The following AACS variants were observed in gnomAD, a reference collection of about 807,000 sequenced individuals.
The protein encoded by AACS is acetoacetyl-CoA synthetase.
AACS carries 69 observed loss-of-function variants against 83.1 expected under a neutral mutation model. The observed-to-expected ratio is 0.83, with a 90% confidence interval of 0.68 to 1.01. The LOEUF (loss-of-function observed/expected upper bound fraction) is 1.01, where lower values mean the gene tolerates loss of function less well. Among genes scored for constraint, AACS ranks in the 50% least tolerant of loss-of-function variants. The pLI is 0.00. For missense variants in AACS, 866 were observed against 882.2 expected (o/e 0.98, Z 0.23); for synonymous variants, 333 against 343.4 (o/e 0.97, Z 0.33).
intron 4 of AACS, among the ~76,000 whole-genome samples, chr12:125,088,589 T>G (rs1956392715): frequency 6.6e-6 from 1 of 152,218 alleles, no homozygotes; most frequent in African/African-American, 2.4e-5. Context: ...GGTCGTCTGA[T>G]TTAATCTGTA....
At chr12:125,090,120 C>T (rs1956436223) in intron 4 of AACS, among the ~76,000 whole-genome samples, 1 of 38,854 alleles carries the variant, frequency 2.6e-5, no homozygotes, top group South Asian at 1.3e-3. Context: ...ATCCATCCAT[C>T]TTCCATTTAT....
intron 2 of AACS, among the ~76,000 whole-genome samples, chr12:125,075,472 A>G (rs893330523): frequency 6.7e-6 from 1 of 150,012 alleles, no homozygotes; most frequent in Non-Finnish European, 1.5e-5. Context: ...TTGCATTTTT[A>G]GTAGAGATGG....
At chr12:125,093,809 C>T (rs1592964549) in intron 5 of AACS, among the ~76,000 whole-genome samples, 1 of 152,212 alleles carries the variant, frequency 6.6e-6, no homozygotes, top group Admixed American at 6.5e-5. Context: ...CTGCCGGAGA[C>T]GGGGGTGTGT....
At chr12:125,096,131 A>G (rs1454462785) in intron 5 of AACS, among the ~76,000 whole-genome samples, 1 of 151,938 alleles carries the variant, frequency 6.6e-6, no homozygotes, top group Admixed American at 6.6e-5. Context: ...TATCCAGCTA[A>G]TTTTTTGTAT....
intron 8 of AACS, among the ~76,000 whole-genome samples, chr12:125,112,681 A>AAAAAAAAT (rs1214289179): frequency 6.6e-6 from 1 of 151,362 alleles, no homozygotes; most frequent in African/African-American, 2.4e-5. Context: ...TCTGTCTCAA[A>AAAAAAAAT]AAAAAAAAAA....
chr12:125,092,102 T>C (rs1434052796), intron 5 of AACS, among the ~76,000 whole-genome samples: 3 of 152,106 alleles, frequency 2.0e-5, no homozygotes, highest in Non-Finnish European at 4.4e-5. Context: ...CCCCAGCCTA[T>C]AGGTCTTTCC....
intron 6 of AACS, 79 bp downstream of exon 6, chr12:125,102,872 G>C (rs1239374345): frequency 5.5e-6 from 8 of 1,463,186 alleles, no homozygotes; most frequent in South Asian, 1.2e-5. Context: ...GAGTCAATCT[G>C]GGTAGTCTCT....
intron 9 of AACS, among the ~76,000 whole-genome samples, chr12:125,116,071 C>G (rs753685240): frequency 6.6e-6 from 1 of 152,078 alleles, no homozygotes; most frequent in Non-Finnish European, 1.5e-5. Flanking sequence ...CAGGGATTTG[C>G]TCTACAACCC....
At chr12:125,133,896 C>A in intron 14 of AACS, 107 bp from the exon 15 acceptor site, 1 of 1,125,026 alleles carries the variant, frequency 8.9e-7, no homozygotes, top group Non-Finnish European at 1.3e-6. Flanking sequence ...GCCAGACCTG[C>A]CTCTGGGCCC....
intron 4 of AACS, among the ~76,000 whole-genome samples, chr12:125,090,062 CCATCT>C (rs1956433149): frequency 1.4e-5 from 2 of 142,934 alleles, no homozygotes; most frequent in Non-Finnish European, 3.1e-5. Context: ...CATCCCTCAT[CCATCT>C]ATCCATCCAC....
chr12:125,082,726 C>T (rs1352935154), intron 3 of AACS, among the ~76,000 whole-genome samples: 1 of 152,010 alleles, frequency 6.6e-6, no homozygotes, highest in Non-Finnish European at 1.5e-5. Context: ...GAGGCTGAGG[C>T]AGGAGAATTG....
Position 125,115,844 on chromosome 12 carries a change from C to G in AACS, c.996+1287C>G, listed in dbSNP as rs1416450163. On this transcript the variant is annotated intron_variant, in intron 9 of 17. Coordinates refer to ENST00000316519, the MANE Select transcript of AACS (RefSeq NM_023928.5). ...ACAGATGGAGGACGGGGGACAGACC[C>G]CTGGGATTACACAGAGATGCAGAAA... Among the ~76,000 whole-genome samples the G allele has an allele frequency of 2.0e-5, 3 of 151,994 alleles. No individual in the cohort carries two copies. The East Asian group carries it at 5.8e-4, about 29-fold the overall frequency.
At chr12:125,116,519 A>G (rs1275440912) in intron 9 of AACS, among the ~76,000 whole-genome samples, 1 of 152,068 alleles carries the variant, frequency 6.6e-6, no homozygotes, top group Non-Finnish European at 1.5e-5. Flanking sequence ...GCTGGAGTGC[A>G]GTGGCGCGAT....
chr12:125,074,336 G>A (rs1955959898), intron 2 of AACS, among the ~76,000 whole-genome samples: 3 of 152,088 alleles, frequency 2.0e-5, no homozygotes, highest in African/African-American at 7.2e-5. Flanking sequence ...AGGATCCCTT[G>A]AGCTCAGGAG....
rs1957404746 is a variant in AACS, at chr12:125,136,644, C to T, written c.1679-18C>T. ...AGGGGCCCCCTGCGTGAATGTGCACCCTCTCCTGTCTCCACAGTGGAATCC... is the reference window on the plus strand; with the variant it reads ...AGGGGCCCCCTGCGTGAATGTGCACTCTCTCCTGTCTCCACAGTGGAATCC... On this transcript the variant is annotated intron_variant, in intron 16 of 17. Coordinates refer to ENST00000316519, the MANE Select transcript of AACS (RefSeq NM_023928.5). The T allele has an allele frequency of 1.2e-6, 2 of 1,611,036 alleles. No individual in the cohort carries two copies. Among genetic ancestry groups the T allele is most frequent in the South Asian group, 1.1e-5 (1 of 90,906 alleles).
At chr12:125,093,658 T>C (rs1453037670) in intron 5 of AACS, among the ~76,000 whole-genome samples, 1 of 152,196 alleles carries the variant, frequency 6.6e-6, no homozygotes, top group East Asian at 1.9e-4. Flanking sequence ...GCTCACCCCA[T>C]GGCTCCCGCA....
rs1247876585 is a variant in AACS at position 125,113,174 on chromosome 12, A to G, written c.916-1303A>G. The stretch of plus-strand genomic sequence containing the variant: ...TGAATGGGAGCCTGTGTTGGATAGG[A>G]TTGTTCCTGGTGAGCTCTTAAAGGG... On this transcript the variant is annotated intron_variant, in intron 8 of 17. Coordinates refer to ENST00000316519, the MANE Select transcript of AACS (RefSeq NM_023928.5). This position sits in a 1 kb window ranked among gnomAD's most constrained non-coding sequence, Gnocchi z 4.8. 6.6e-6 allele frequency among the ~76,000 whole-genome samples: 1 copy of G among 152,118 alleles called. No individual in the cohort carries two copies. Among genetic ancestry groups the G allele is most frequent in the Admixed American group, 6.5e-5 (1 of 15,276 alleles).
At chr12:125,112,358 G>T (rs557488090) in intron 8 of AACS, among the ~76,000 whole-genome samples, 31 of 152,286 alleles carry the variant, frequency 2.0e-4, no homozygotes, top group African/African-American at 7.5e-4. Context: ...AAAGGGCAGT[G>T]TATTAGTCTG....
rs566322223 is a variant in AACS at position 125,131,644 on chromosome 12, T to C, written c.1549+2184T>C. On this transcript the variant is annotated intron_variant, in intron 14 of 17. Coordinates refer to ENST00000316519, the MANE Select transcript of AACS (RefSeq NM_023928.5). The stretch of plus-strand genomic sequence containing the variant: ...TTTTCTTTATGGCTTTTTATTTTTA[T>C]TTTTTGACACGGTATCTCGCTCTGT... Among the ~76,000 whole-genome samples, 4 of 152,360 alleles carry C rather than the reference T, an allele frequency of 2.6e-5. No homozygotes were observed. In the East Asian group the frequency reaches 5.8e-4, roughly 22 times the overall value.
Sources: allele counts gnomAD v4.1 joint callset (sites outside exome capture counted in the v4.1 genomes callset), GRCh38; gene constraint gnomAD v4.1.1; non-coding constraint Gnocchi (gnomAD v3.1); transcripts MANE v1.5; gene names NCBI Gene and HGNC (gene_info 2026-07-23, HGNC 2026-07-21).